CFB: variants seen among roughly 807,000 people sequenced by gnomAD.
CFB encodes B-factor, properdin.
CFB carries 59 observed loss-of-function variants against 97.2 expected under a neutral mutation model. The observed-to-expected ratio is 0.61, with a 90% CI of 0.49 to 0.75. CFB has a LOEUF of 0.75. Among genes scored for constraint, CFB ranks in the 30% least tolerant of loss-of-function variants. The probability of loss-of-function intolerance (pLI) is 0.00; values close to 1 mark genes in which losing one functional copy is unlikely to be tolerated. For missense variants in CFB, 771 were observed against 959.8 expected (o/e 0.80, Z 2.60); for synonymous variants, 316 against 351.7 (o/e 0.90, Z 1.14).
chr6:31,946,109 A>G lies in CFB; in HGVS notation c.-113A>G. On this transcript the variant is annotated 5_prime_UTR_variant, in exon 1 of 18. The change abolishes the stop of an existing upstream ORF in the 5' untranslated region. Coordinates refer to ENST00000425368, the MANE Select transcript of CFB (RefSeq NM_001710.6). This position sits in a 1 kb window ranked among gnomAD's most constrained non-coding sequence, Gnocchi z 6.4. ...GTGGGGAGCAGGGGAAGGGAATGTG[A>G]CCAGGTCTAGGTCTGGAGTTTCAGC... 2 of 1,083,952 alleles carry G rather than the reference A, an allele frequency of 1.8e-6. No individual in the cohort carries two copies. The highest frequency in any genetic ancestry group is 2.8e-6 in the Non-Finnish European group (2 of 702,220). 67.1% of individuals were successfully genotyped at this position (1,083,952 alleles called of 1,614,324 possible). A position where few individuals can be genotyped will look rare whatever the true frequency, so the allele number is the denominator to read the frequency against.
intron 6 of CFB, 58 bp downstream of exon 6, chr6:31,948,139 T>C: frequency 1.9e-6 from 3 of 1,599,844 alleles, no homozygotes; most frequent in Non-Finnish European, 2.6e-6. Context: ...CTTCCAGGAC[T>C]AGCTCCCTGA....
rs188810089 is a variant in CFB, at chr6:31,946,910, C to T, written c.299-97C>T. 2.3e-5 allele frequency: 30 copies of T among 1,280,778 alleles called. No homozygotes were observed. The highest frequency in any genetic ancestry group is 1.4e-4 in the East Asian group (6 of 42,936). The allele number at this position is 1,280,778 out of a possible 1,614,324, so 79.3% of individuals were successfully genotyped here. A position where few individuals can be genotyped will look rare whatever the true frequency, so the allele number is the denominator to read the frequency against. ...TGCTGCTTCTGCGGGACTGGGAATGCGCTGTTTCTCAGTGACATGGTCTCC... is the reference window on the plus strand; with the variant it reads ...TGCTGCTTCTGCGGGACTGGGAATGTGCTGTTTCTCAGTGACATGGTCTCC... On this transcript the variant is annotated intron_variant, in intron 2 of 17. Transcript: ENST00000425368. This position sits in a 1 kb window ranked among gnomAD's most constrained non-coding sequence, Gnocchi z 6.4.
chr6:31,946,887 C>T lies in CFB; in HGVS notation c.299-120C>T. ...TATGGGTTGAGGAGTAGGTAAGATG[C>T]TGCTTCTGCGGGACTGGGAATGCGC... is the stretch of plus-strand genomic sequence containing the variant. On this transcript the variant is annotated intron_variant, in intron 2 of 17. Transcript: ENST00000425368. The surrounding 1 kb of genome is among the most constrained non-coding windows in gnomAD (Gnocchi z 6.4). 1.9e-6 allele frequency: 2 copies of T among 1,044,172 alleles called. No homozygotes were observed. The highest frequency in any genetic ancestry group is 2.9e-6 in the Non-Finnish European group (2 of 681,130). 64.7% of individuals were successfully genotyped at this position (1,044,172 alleles called of 1,614,324 possible). A position where few individuals can be genotyped will look rare whatever the true frequency, so the allele number is the denominator to read the frequency against.
Position 31,948,177 on chromosome 6 carries a change from C to A in CFB, c.897+96C>A. On this transcript the variant is annotated intron_variant, in intron 6 of 17. Coordinates refer to ENST00000425368, the MANE Select transcript of CFB (RefSeq NM_001710.6). Reference sequence around the variant, plus strand: ...ATTCCAGCCCCTCTGAACAACAGGGCCCCAGGAAAATCTCCAGGTCCTATT... The same window carrying A: ...ATTCCAGCCCCTCTGAACAACAGGGACCCAGGAAAATCTCCAGGTCCTATT... The A allele has an allele frequency of 3.2e-6, 5 of 1,548,364 alleles. No individual in the cohort carries two copies. In the South Asian group the frequency reaches 4.6e-5, roughly 14 times the overall value.
rs142078214 is a variant in CFB, at chr6:31,950,758, T to C, written c.1764T>C (p.Tyr588=). Residue 588 remains tyrosine (Y), a synonymous_variant, in exon 13 of 18, where the codon TAT becomes TAC. Coordinates refer to ENST00000425368, the MANE Select transcript of CFB (RefSeq NM_001710.6). ...TCAAGCTCAAGAATAAGCTGAAATATGGCCAGACTATCAGGTGAGAGCGTC... is the reference window on the plus strand; with the variant it reads ...TCAAGCTCAAGAATAAGCTGAAATACGGCCAGACTATCAGGTGAGAGCGTC... The part of the protein sequence containing the change: ...ALIKLKNKLK[Y]GQTIRPICLP... 1.2e-6 allele frequency: 2 copies of C among 1,613,080 alleles called. No individual in the cohort carries two copies. Among genetic ancestry groups the C allele is most frequent in the African/African-American group, 1.3e-5 (1 of 75,050 alleles).
chr6:31,947,582 C>T lies in CFB; in HGVS notation c.658+61C>T, dbSNP rs1001863663. 6.2e-7 allele frequency: 1 copy of T among 1,602,126 alleles called. No homozygotes were observed. The highest frequency in any genetic ancestry group is 1.3e-5 in the African/African-American group (1 of 74,706). On this transcript the variant is annotated intron_variant, in intron 4 of 17. Coordinates refer to ENST00000425368, the MANE Select transcript of CFB (RefSeq NM_001710.6). The surrounding 1 kb of genome is among the most constrained non-coding windows in gnomAD (Gnocchi z 5.3). Reference sequence around the variant, plus strand: ...GTCTTCCATCCTACTGTCTTCTCTCCCCACCTCAACCCTGCTCTTTCCTCA... The same window carrying T: ...GTCTTCCATCCTACTGTCTTCTCTCTCCACCTCAACCCTGCTCTTTCCTCA...
At position 31,950,869 on chromosome 6, in the gene CFB, C is replaced by T. The variant is rs1425712603; in HGVS notation, c.1780C>T (p.Pro594Ser). Residue 594 changes from proline (P) to serine (S), a missense_variant and splice_region_variant, in exon 14 of 18, where the codon CCC (proline) becomes TCC (serine). Physicochemically the swap from Pro to Ser is moderately conservative, Grantham distance 74. Transcript: ENST00000425368. ...TGCTGTTCTCCTTGTCCTTTATAGG[C>T]CCATTTGTCTCCCCTGCACCGAGGG... is the stretch of plus-strand genomic sequence containing the variant. ...NKLKYGQTIR[P>S]ICLPCTEGTT... 1 of 1,613,002 alleles carries T rather than the reference C, an allele frequency of 6.2e-7. No individual in the cohort carries two copies. The highest frequency in any genetic ancestry group is 8.5e-7 in the Non-Finnish European group (1 of 1,180,014).
At position 31,948,863 on chromosome 6, in the gene CFB, A is replaced by C. The variant is rs146477718; in HGVS notation, c.1070A>C (p.Lys357Thr). The C allele has an allele frequency of 4.3e-6, 7 of 1,612,832 alleles. No individual in the cohort carries two copies. Among genetic ancestry groups the C allele is most frequent in the African/African-American group, 4.0e-5 (3 of 74,866 alleles). The change falls in exon 8 of 18, where the codon AAG becomes ACG. Residue 357 changes from lysine (K) to threonine (T), a missense_variant. Physicochemically the swap from Lys to Thr is moderately conservative, Grantham distance 78. Coordinates refer to ENST00000425368, the MANE Select transcript of CFB (RefSeq NM_001710.6). ...TTGAAGTCAGGGACTAACACCAAGA[A>C]GGCCCTCCAGGCAGTGTACAGCATG... ...HKLKSGTNTK[K>T]ALQAVYSMMS...
chr6:31,951,274 C>T lies in CFB; in HGVS notation c.1956+30C>T, dbSNP rs948463802. On this transcript the variant is annotated intron_variant, in intron 15 of 17. Coordinates refer to ENST00000425368, the MANE Select transcript of CFB (RefSeq NM_001710.6). The surrounding 1 kb of genome is among the most constrained non-coding windows in gnomAD (Gnocchi z 4.3). ...GAAACGGGCATCCTAAGGAGGCACTCTAGGCCCCAATCCTTCCTAAGCCAC... is the reference window on the plus strand; with the variant it reads ...GAAACGGGCATCCTAAGGAGGCACTTTAGGCCCCAATCCTTCCTAAGCCAC... 1 of 1,613,330 alleles carries T rather than the reference C, an allele frequency of 6.2e-7. No individual in the cohort carries two copies. Among genetic ancestry groups the T allele is most frequent in the Non-Finnish European group, 8.5e-7 (1 of 1,179,880 alleles).
In CFB at chr6:31,950,417, T is replaced by C. The variant is rs762813642; in HGVS notation, c.1624+14T>C. 6.2e-7 allele frequency: 1 copy of C among 1,607,310 alleles called. No individual in the cohort carries two copies. Among genetic ancestry groups the C allele is most frequent in the Non-Finnish European group, 8.5e-7 (1 of 1,175,992 alleles). On this transcript the variant is annotated intron_variant, in intron 12 of 17. Coordinates refer to ENST00000425368, the MANE Select transcript of CFB (RefSeq NM_001710.6). ...AGGTCAGCGTAGGTAAGGATGCAAC[T>C]GAAGGTCCTGGGCTGCACCTATGCT...
At position 31,951,443 on chromosome 6, in the gene CFB, A is replaced by G. The variant is rs1198995142; in HGVS notation, c.2059A>G (p.Ser687Gly). 5.0e-6 allele frequency: 8 copies of G among 1,614,100 alleles called. No homozygotes were observed. Among genetic ancestry groups the G allele is most frequent in the Non-Finnish European group, 6.8e-6 (8 of 1,180,046 alleles). Residue 687 changes from serine (S) to glycine (G), a missense_variant, in exon 16 of 18, where the codon AGT (serine) becomes GGT (glycine). Transcript: ENST00000425368. This position sits in a 1 kb window ranked among gnomAD's most constrained non-coding sequence, Gnocchi z 4.3. ...TCGGTTCCTTTGTACTGGAGGAGTG[A>G]GTCCCTATGCTGACCCCAATACTTG... ...TPRFLCTGGV[S>G]PYADPNTCRG...
In CFB at chr6:31,951,046, A is replaced by G; in HGVS notation, c.1856-98A>G. On this transcript the variant is annotated intron_variant, in intron 14 of 17. Transcript: ENST00000425368. The surrounding 1 kb of genome is among the most constrained non-coding windows in gnomAD (Gnocchi z 4.3). ...AGAGATGATGCCTGGCCCAGAACCT[A>G]GCTCTAGAAGGGCTTAGGGGACATC... is the stretch of plus-strand genomic sequence containing the variant. The G allele has an allele frequency of 1.3e-6, 2 of 1,568,004 alleles. No homozygotes were observed. The highest frequency in any genetic ancestry group is 1.8e-6 in the Non-Finnish European group (2 of 1,140,496).
intron 12 of CFB, 94 bp downstream of exon 12, chr6:31,950,497 G>A (rs1165408552): frequency 1.1e-5 from 17 of 1,564,472 alleles, no homozygotes; most frequent in Non-Finnish European, 1.4e-5. Context: ...CATCCTCAAT[G>A]CAGCCCCATT....
Position 31,947,209 on chromosome 6 carries a change from C to A in CFB, c.484+17C>A, listed in dbSNP as rs756408210. 4 of 1,612,466 alleles carry A rather than the reference C, an allele frequency of 2.5e-6. No homozygotes were observed. In the African/African-American group the frequency reaches 5.3e-5, roughly 22 times the overall value. ...ACAACGGAGGTGAGAAGCATCCCCTCCCCCTACATTGCTGTCTCCCTGACG... is the reference window on the plus strand; with the variant it reads ...ACAACGGAGGTGAGAAGCATCCCCTACCCCTACATTGCTGTCTCCCTGACG... On this transcript the variant is annotated intron_variant, in intron 3 of 17. Transcript: ENST00000425368. The surrounding 1 kb of genome is among the most constrained non-coding windows in gnomAD (Gnocchi z 5.3).
Position 31,951,735 on chromosome 6 carries a change from G to C in CFB, c.2139+131G>C. ...GCCTCACCTTAGGACCGCATGTCTT[G>C]CCTGCGTGTGTCAAGAACGAGGCTG... On this transcript the variant is annotated intron_variant, in intron 17 of 17. Coordinates refer to ENST00000425368, the MANE Select transcript of CFB (RefSeq NM_001710.6). The surrounding 1 kb of genome is among the most constrained non-coding windows in gnomAD (Gnocchi z 4.3). 6.4e-7 allele frequency: 1 copy of C among 1,560,700 alleles called. No individual in the cohort carries two copies. The highest frequency in any genetic ancestry group is 8.8e-7 in the Non-Finnish European group (1 of 1,132,282).
Position 31,947,206 on chromosome 6 carries a change from C to T in CFB, c.484+14C>T. The T allele has an allele frequency of 1.9e-6, 3 of 1,612,606 alleles. No homozygotes were observed. The highest frequency in any genetic ancestry group is 2.5e-6 in the Non-Finnish European group (3 of 1,179,994). ...GTGACAACGGAGGTGAGAAGCATCCCCTCCCCCTACATTGCTGTCTCCCTG... is the reference window on the plus strand; with the variant it reads ...GTGACAACGGAGGTGAGAAGCATCCTCTCCCCCTACATTGCTGTCTCCCTG... On this transcript the variant is annotated intron_variant, in intron 3 of 17. Transcript: ENST00000425368. This position sits in a 1 kb window ranked among gnomAD's most constrained non-coding sequence, Gnocchi z 5.3.
rs764067626 is a variant in CFB, at chr6:31,946,548, G to A, written c.240G>A (p.Gly80=). 2 of 1,612,820 alleles carry A rather than the reference G, an allele frequency of 1.2e-6. No individual in the cohort carries two copies. The highest frequency in any genetic ancestry group is 1.7e-6 in the Non-Finnish European group (2 of 1,180,032). ...AGACACGTACCTGCAGATCTACGGG[G>A]TCCTGGAGCACCCTGAAGACTCAAG... is the stretch of plus-strand genomic sequence containing the variant. ...PVQTRTCRST[G]SWSTLKTQDQ... The change falls in exon 2 of 18, where the codon GGG becomes GGA. Residue 80 remains glycine, a synonymous_variant. Transcript: ENST00000425368. The surrounding 1 kb of genome is among the most constrained non-coding windows in gnomAD (Gnocchi z 6.4).
In CFB at chr6:31,950,882, C is replaced by G. The variant is rs1369064703; in HGVS notation, c.1793C>G (p.Pro598Arg). The change falls in exon 14 of 18, where the codon CCC becomes CGC. Residue 598 changes from proline to arginine, a missense_variant. Pro to Arg is a moderately radical substitution (Grantham distance 103). Transcript: ENST00000425368. ...YGQTIRPICL[P>R]CTEGTTRALR... Reference sequence around the variant, plus strand: ...GTCCTTTATAGGCCCATTTGTCTCCCCTGCACCGAGGGAACAACTCGAGCT... The same window carrying G: ...GTCCTTTATAGGCCCATTTGTCTCCGCTGCACCGAGGGAACAACTCGAGCT... 1.2e-6 allele frequency: 2 copies of G among 1,613,018 alleles called. 1 individual carries two copies. The highest frequency in any genetic ancestry group is 2.2e-5 in the South Asian group (2 of 91,072).
chr6:31,946,751 G>A lies in CFB; in HGVS notation c.298+145G>A. On this transcript the variant is annotated intron_variant, in intron 2 of 17. Transcript: ENST00000425368. The surrounding 1 kb of genome is among the most constrained non-coding windows in gnomAD (Gnocchi z 6.4). ...GTTTTAGGGTGGCAGGCGGAAAGGGGGCAAGAAAAAGCGGAGTTAACCCTT... is the reference window on the plus strand; with the variant it reads ...GTTTTAGGGTGGCAGGCGGAAAGGGAGCAAGAAAAAGCGGAGTTAACCCTT... 1 of 871,232 alleles carries A rather than the reference G, an allele frequency of 1.1e-6. No homozygotes were observed. Among genetic ancestry groups the A allele is most frequent in the Non-Finnish European group, 1.8e-6 (1 of 540,952 alleles). 54.0% of individuals were successfully genotyped at this position (871,232 alleles called of 1,614,324 possible).
Sources: allele counts gnomAD v4.1 joint callset, GRCh38; gene constraint gnomAD v4.1.1; non-coding constraint Gnocchi (gnomAD v3.1); transcripts MANE v1.5; gene names NCBI Gene and HGNC (gene_info 2026-07-23, HGNC 2026-07-21).